Variants in LYZL1 observed in about 807,000 individuals in gnomAD.
The protein encoded by LYZL1 is lysozyme like 1.
A neutral mutation model predicts 17.9 loss-of-function variants in LYZL1; 16 were observed. The ratio of observed to expected loss-of-function variants is 0.90; its 90% CI spans 0.61 to 1.36. The LOEUF is 1.36. LYZL1 is among the 40% of genes most tolerant of loss of function. The probability of loss-of-function intolerance (pLI) is 0.00; values close to 1 mark genes in which losing one functional copy is unlikely to be tolerated. For missense variants in LYZL1, 149 were observed against 188.4 expected, an observed-to-expected ratio of 0.79 and a Z score of 1.22; for synonymous variants, 58 against 71.8, an observed-to-expected ratio of 0.81 and a Z score of 0.97.
At position 29,310,234 on chromosome 10, in the gene LYZL1, T is replaced by C. The variant is rs181196265; in HGVS notation, c.377+46T>C. 347 of 1,386,220 alleles carry C rather than the reference T, an allele frequency of 2.5e-4. 3 individuals are homozygous for C. In the African/African-American group the frequency reaches 4.1e-3, roughly 16 times the overall value. 85.9% of individuals were successfully genotyped at this position (1,386,220 alleles called of 1,614,324 possible). A position where few individuals can be genotyped will look rare whatever the true frequency, so the allele number is the denominator to read the frequency against. Reference sequence around the variant, plus strand: ...GACTTGTGCTGTCATGGGCAAAACCTAGTGTGTGTATTTATCACAGTTATG... The same window carrying C: ...GACTTGTGCTGTCATGGGCAAAACCCAGTGTGTGTATTTATCACAGTTATG... On this transcript the variant is annotated intron_variant, in intron 4 of 4. Transcript: ENST00000649382.
chr10:29,302,650 G>A (rs1204171578), intron 3 of LYZL1, among the ~76,000 whole-genome samples: 1 of 152,192 alleles, frequency 6.6e-6, no homozygotes, highest in Non-Finnish European at 1.5e-5. Flanking sequence ...GTCAAAATGC[G>A]CATGTTCCCT....
rs1203270374 is a variant in LYZL1 at position 29,291,046 on chromosome 10, T to C, written c.-25-797T>C. Among the ~76,000 whole-genome samples the C allele has an allele frequency of 1.3e-5, 2 of 152,150 alleles. 1 individual carries two copies. The highest frequency in any genetic ancestry group is 4.8e-5 in the African/African-American group (2 of 41,426). ...GGGCTGTCTGTTTCTACACATCCAGTTGATCCTTGAACAAATGTAGGGGTC... is the reference window on the plus strand; with the variant it reads ...GGGCTGTCTGTTTCTACACATCCAGCTGATCCTTGAACAAATGTAGGGGTC... On this transcript the variant is annotated intron_variant, in intron 1 of 4. Transcript: ENST00000649382.
intron 1 of LYZL1, among the ~76,000 whole-genome samples, chr10:29,289,796 C>G (rs946726762): frequency 3.9e-5 from 6 of 152,184 alleles, no homozygotes; most frequent in South Asian, 2.1e-4. Context: ...CTGGCATGCT[C>G]TCTCTGAAAA....
At chr10:29,289,313 C>G (rs1402614543) in intron 1 of LYZL1, 83 bp downstream of exon 1, 1 of 1,103,160 alleles carries the variant, frequency 9.1e-7, no homozygotes, top group Non-Finnish European at 1.2e-6. Context: ...GTTATCATTG[C>G]TGCGGGTTTT....
At chr10:29,310,013 G>A (rs1835647988) in intron 3 of LYZL1, 97 bp from the exon 4 acceptor site, 1 of 817,480 alleles carries the variant, frequency 1.2e-6, no homozygotes, top group Non-Finnish European at 2.0e-6. Context: ...CAACCCTCTT[G>A]ATCCAAAAAG....
chr10:29,302,982 G>A (rs1440523530), intron 3 of LYZL1, among the ~76,000 whole-genome samples: 3 of 152,160 alleles, frequency 2.0e-5, no homozygotes, highest in Non-Finnish European at 2.9e-5. Context: ...GCATAACTAA[G>A]CATCCAGTGT....
intron 3 of LYZL1, among the ~76,000 whole-genome samples, chr10:29,308,788 C>T (rs1002753081): frequency 6.8e-6 from 1 of 147,208 alleles, no homozygotes; most frequent in African/African-American, 2.5e-5. Flanking sequence ...GTGAAACCTT[C>T]TCTCTGCAAA....
At chr10:29,295,770 G>A (rs574747924) in intron 3 of LYZL1, among the ~76,000 whole-genome samples, 1 of 152,342 alleles carries the variant, frequency 6.6e-6, no homozygotes, top group South Asian at 2.1e-4. Context: ...GAGATTCAAA[G>A]TGTGAGAGGG....
chr10:29,302,771 C>T (rs979235181), intron 3 of LYZL1, among the ~76,000 whole-genome samples: 1 of 152,178 alleles, frequency 6.6e-6, no homozygotes, highest in Admixed American at 6.5e-5. Context: ...CCGTACCCCG[C>T]GGACACAGTT....
At chr10:29,301,471 G>A (rs1403718402) in intron 3 of LYZL1, among the ~76,000 whole-genome samples, 3 of 152,150 alleles carry the variant, frequency 2.0e-5, no homozygotes, top group South Asian at 2.1e-4. Context: ...GGTTACAGCT[G>A]TGAGTAATCA....
chr10:29,309,457 C>G (rs1835641620), intron 3 of LYZL1, among the ~76,000 whole-genome samples: 1 of 152,190 alleles, frequency 6.6e-6, no homozygotes, highest in South Asian at 2.1e-4. Flanking sequence ...ATATGTCAAA[C>G]TAACCCACAT....
chr10:29,314,273 A>T (rs1835704581), downstream of LYZL1, among the ~76,000 whole-genome samples: 1 of 152,168 alleles, frequency 6.6e-6, no homozygotes, highest in South Asian at 2.1e-4. Flanking sequence ...CCAACCTGTA[A>T]GCTCTTTGAG....
At position 29,291,840 on chromosome 10, in the gene LYZL1, C is replaced by T. The variant is rs773283113; in HGVS notation, c.-25-3C>T. 3 of 1,550,284 alleles carry T rather than the reference C, an allele frequency of 1.9e-6. No individual in the cohort carries two copies. The highest frequency in any genetic ancestry group is 1.2e-5 in the South Asian group (1 of 83,044). The stretch of plus-strand genomic sequence containing the variant: ...TCTGACCTGTTCTCCGGCTCTTTGG[C>T]AGGTTCTGTCTCCGGCAGGCTTTGA... On this transcript the variant is annotated splice_region_variant and splice_polypyrimidine_tract_variant and intron_variant, in intron 1 of 4. Transcript: ENST00000649382.
intron 3 of LYZL1, among the ~76,000 whole-genome samples, chr10:29,305,259 AAATT>A: frequency 6.6e-6 from 1 of 152,380 alleles, no homozygotes; most frequent in East Asian, 1.9e-4. Context: ...CCAAATGCTT[AAATT>A]TGGATAACCT....
intron 1 of LYZL1, among the ~76,000 whole-genome samples, chr10:29,289,896 C>A (rs1368571960): frequency 6.6e-6 from 1 of 152,158 alleles, no homozygotes; most frequent in East Asian, 1.9e-4. Flanking sequence ...AATCAGCCAC[C>A]AATGATATAT....
At chr10:29,299,657 T>G (rs1404581121) in intron 3 of LYZL1, among the ~76,000 whole-genome samples, 1 of 152,250 alleles carries the variant, frequency 6.6e-6, no homozygotes, top group African/African-American at 2.4e-5. Context: ...TTGACCCTTT[T>G]GTCACTGGAG....
chr10:29,291,001 C>A (rs1046447980), intron 1 of LYZL1, among the ~76,000 whole-genome samples: 5 of 152,166 alleles, frequency 3.3e-5, no homozygotes, highest in Admixed American at 6.5e-5. Flanking sequence ...GCCCACGTGT[C>A]TTTCATCTGT....
chr10:29,302,896 A>G lies in LYZL1; in HGVS notation c.299-7214A>G, dbSNP rs558166414. On this transcript the variant is annotated intron_variant, in intron 3 of 4. Coordinates refer to ENST00000649382, the MANE Select transcript of LYZL1 (RefSeq NM_032517.6). The stretch of plus-strand genomic sequence containing the variant: ...CCAACCAGCTAAGTTTATTCTGATC[A>G]GCGTAACTCTTAAACTTTGTTAGTG... Among the ~76,000 whole-genome samples the G allele has an allele frequency of 2.1e-4, 32 of 152,298 alleles. 1 individual carries two copies. In the South Asian group the frequency reaches 5.6e-3, roughly 27 times the overall value.
At chr10:29,291,171 G>A (rs1030174095) in intron 1 of LYZL1, among the ~76,000 whole-genome samples, 6 of 152,150 alleles carry the variant, frequency 3.9e-5, no homozygotes, top group Admixed American at 6.5e-5. Context: ...AAGCCTTACT[G>A]ATAACATAAA....
Sources: allele counts gnomAD v4.1 joint callset (sites outside exome capture counted in the v4.1 genomes callset), GRCh38; gene constraint gnomAD v4.1.1; transcripts MANE v1.5; gene names NCBI Gene and HGNC (gene_info 2026-07-23, HGNC 2026-07-21).